Variants in KRAS observed in about 807,000 individuals in gnomAD.
KRAS encodes the protein KRas proto-oncogene, GTPase.
In KRAS, 1 loss-of-function variant was observed where a neutral mutation model predicts 21.0. The ratio of observed to expected loss-of-function variants is 0.05; its 90% CI spans 0.02 to 0.23. KRAS has a LOEUF of 0.23. Ranked by LOEUF, KRAS falls within the 10% of genes least tolerant of loss-of-function variation. The pLI is 1.00. For synonymous variants in KRAS, 67 were observed against 72.5 expected, an observed-to-expected ratio of 0.92 and a Z score of 0.39; for missense variants, 107 against 221.8, an observed-to-expected ratio of 0.48 and a Z score of 3.29.
In KRAS at chr12:25,207,010, G is replaced by C. The variant is rs1951145810; in HGVS notation, c.*2785C>G. 1 of 208,062 alleles carries C rather than the reference G, an allele frequency of 4.8e-6. No individual in the cohort carries two copies. Among genetic ancestry groups the C allele is most frequent in the South Asian group, 1.9e-4 (1 of 5,314 alleles). 12.9% of individuals were successfully genotyped at this position (208,062 alleles called of 1,614,324 possible). A position where few individuals can be genotyped will look rare whatever the true frequency, so the allele number is the denominator to read the frequency against. Reference sequence around the variant, plus strand: ...AAAGTAGCTTGATCGAAGAGTTTCAGTGGAATCGTAGCAAAACAATTATAG... The same window carrying C: ...AAAGTAGCTTGATCGAAGAGTTTCACTGGAATCGTAGCAAAACAATTATAG... On this transcript the variant is annotated 3_prime_UTR_variant, in exon 5 of 5. Coordinates refer to ENST00000311936, the MANE Select transcript of KRAS (RefSeq NM_004985.5).
chr12:25,212,703 C>G (rs1269709368), intron 4 of KRAS, among the ~76,000 whole-genome samples: 3 of 152,046 alleles, frequency 2.0e-5, no homozygotes, highest in African/African-American at 7.2e-5. Flanking sequence ...TTATCTTTTT[C>G]AGGACTAAGA....
chr12:25,237,567 C>T (rs1951560250), intron 2 of KRAS, among the ~76,000 whole-genome samples: 2 of 152,060 alleles, frequency 1.3e-5, no homozygotes, highest in Admixed American at 1.3e-4. Flanking sequence ...GACAGAAGTC[C>T]AGGCTAGAGA....
intron 4 of KRAS, among the ~76,000 whole-genome samples, chr12:25,220,845 C>T (rs193081646): frequency 7.4e-4 from 112 of 151,566 alleles, no homozygotes; most frequent in African/African-American, 2.5e-3. Flanking sequence ...GCCAACATGG[C>T]GAAACCCTGT....
intron 2 of KRAS, among the ~76,000 whole-genome samples, chr12:25,236,443 C>A (rs1266182513): frequency 6.6e-6 from 1 of 152,058 alleles, no homozygotes; most frequent in African/African-American, 2.4e-5. Context: ...TCTGATAAAC[C>A]CCAAATCTTC....
Position 25,209,700 on chromosome 12 carries a change from T to A in KRAS, c.*95A>T, listed in dbSNP as rs1475823212. The A allele has an allele frequency of 4.5e-5, 68 of 1,517,438 alleles. No homozygotes were observed. The highest frequency in any genetic ancestry group is 5.7e-5 in the Non-Finnish European group (65 of 1,132,848). The allele number at this position is 1,517,438 out of a possible 1,614,324, so 94.0% of individuals were successfully genotyped here. A position where few individuals can be genotyped will look rare whatever the true frequency, so the allele number is the denominator to read the frequency against. ...CAGTCTGCATGGAGCAGGAAAAAAA[T>A]TAGGTAATGCTAAAACAAATGCTAA... is the stretch of plus-strand genomic sequence containing the variant. On this transcript the variant is annotated 3_prime_UTR_variant, in exon 5 of 5. Coordinates refer to ENST00000311936, the MANE Select transcript of KRAS (RefSeq NM_004985.5).
intron 4 of KRAS, among the ~76,000 whole-genome samples, chr12:25,222,110 C>T (rs61925860): frequency 1.4e-3 from 208 of 149,592 alleles, no homozygotes; most frequent in Non-Finnish European, 2.5e-3. Flanking sequence ...GATCCCACCA[C>T]TGTACTCCAG....
intron 1 of KRAS, among the ~76,000 whole-genome samples, chr12:25,245,990 T>G (rs1210320362): frequency 6.6e-6 from 1 of 151,998 alleles, no homozygotes; most frequent in Non-Finnish European, 1.5e-5. Context: ...GATTGTGTCA[T>G]GGGGAAATAA....
Position 25,205,283 on chromosome 12 carries a change from G to T in KRAS, c.*4512C>A, listed in dbSNP as rs1182352175. The stretch of plus-strand genomic sequence containing the variant: ...ATTTTTATTACATTACAATAATTAG[G>T]AGTAGTACAGTTCATGACAAAAATA... On this transcript the variant is annotated 3_prime_UTR_variant, in exon 5 of 5. Coordinates refer to ENST00000311936, the MANE Select transcript of KRAS (RefSeq NM_004985.5). 5 of 214,170 alleles carry T rather than the reference G, an allele frequency of 2.3e-5. No individual in the cohort carries two copies. Among genetic ancestry groups the T allele is most frequent in the Non-Finnish European group, 4.7e-5 (5 of 106,054 alleles). 13.3% of individuals were successfully genotyped at this position (214,170 alleles called of 1,614,324 possible). A position where few individuals can be genotyped will look rare whatever the true frequency, so the allele number is the denominator to read the frequency against.
chr12:25,208,937 T>A lies in KRAS; in HGVS notation c.*858A>T. 1 of 288,654 alleles carries A rather than the reference T, an allele frequency of 3.5e-6. No individual in the cohort carries two copies. Among genetic ancestry groups the A allele is most frequent in the Non-Finnish European group, 6.4e-6 (1 of 156,060 alleles). 17.9% of individuals were successfully genotyped at this position (288,654 alleles called of 1,614,324 possible). ...AAAGTTATACTATGAAAGAGCAGTC[T>A]GACACAGGGAGACTACATTTAATTC... On this transcript the variant is annotated 3_prime_UTR_variant, in exon 5 of 5. Coordinates refer to ENST00000311936, the MANE Select transcript of KRAS (RefSeq NM_004985.5).
At position 25,215,534 on chromosome 12, in the gene KRAS, CA is replaced by C. The variant is rs752446944; in HGVS notation, c.451-5624del. On this transcript the variant is annotated intron_variant, in intron 4 of 4. Transcript: ENST00000311936. ...ATCTGTATTGTCGGATCTCTCTCAC[CA>C]ATGTATAAAAAGCATCCTCCACTCT... 8.1e-6 allele frequency: 13 copies of C among 1,611,582 alleles called. No homozygotes were observed. The highest frequency in any genetic ancestry group is 1.3e-5 in the African/African-American group (1 of 74,876).
intron 2 of KRAS, among the ~76,000 whole-genome samples, chr12:25,240,785 G>GA (rs906866083): frequency 1.3e-5 from 2 of 151,916 alleles, no homozygotes; most frequent in Admixed American, 6.5e-5. Flanking sequence ...ACCCAAGGTA[G>GA]AAAAAAACCA....
intron 4 of KRAS, among the ~76,000 whole-genome samples, chr12:25,211,904 C>T (rs180950354): frequency 3.9e-5 from 6 of 152,294 alleles, no homozygotes; most frequent in Non-Finnish European, 7.3e-5. Context: ...ACTGATACTA[C>T]ACAAACATAT....
chr12:25,221,082 T>A (rs1247428406), intron 4 of KRAS, among the ~76,000 whole-genome samples: 5 of 150,468 alleles, frequency 3.3e-5, no homozygotes, highest in Non-Finnish European at 7.4e-5. Context: ...TTCCTTTCCA[T>A]GAACTATGTT....
rs2141505766 is a variant in KRAS, at chr12:25,225,654, T to A, written c.410A>T (p.Tyr137Phe). Residue 137 changes from tyrosine to phenylalanine, a missense_variant, in exon 4 of 5, where the codon TAT (tyrosine) becomes TTT (phenylalanine). By Grantham distance (22) the Tyr-to-Phe change is conservative. This residue lies in a region of KRAS where 65 missense variants were observed against 82.3 expected (regional missense o/e 0.79). Coordinates refer to ENST00000311936, the MANE Select transcript of KRAS (RefSeq NM_004985.5). ...TGATGTTTCAATAAAAGGAATTCCA[T>A]AACTTCTTGCTAAGTCCTGAGCCTG... ...TKQAQDLARS[Y>F]GIPFIETSAK... is the part of the protein sequence containing the mutation. 1 of 1,613,192 alleles carries A rather than the reference T, an allele frequency of 6.2e-7. No homozygotes were observed. Among genetic ancestry groups the A allele is most frequent in the Non-Finnish European group, 8.5e-7 (1 of 1,179,438 alleles).
intron 4 of KRAS, chr12:25,211,332 T>TG (rs1951198557): frequency 6.6e-6 from 1 of 152,218 alleles, no homozygotes. Flanking sequence ...CCCAGCACTT[T>TG]GGGAGGCCAA....
chr12:25,243,578 T>G (rs968510009), intron 2 of KRAS, among the ~76,000 whole-genome samples: 7 of 152,206 alleles, frequency 4.6e-5, no homozygotes, highest in African/African-American at 1.7e-4. Flanking sequence ...TCATGCTGTA[T>G]ATACTCATAT....
intron 4 of KRAS, among the ~76,000 whole-genome samples, chr12:25,212,071 T>G (rs1951205399): frequency 6.6e-6 from 1 of 152,218 alleles, no homozygotes. Context: ...AATGATACAA[T>G]AAAAATTATT....
chr12:25,250,544 G>GAT (rs1951753756), intron 1 of KRAS, among the ~76,000 whole-genome samples: 2 of 152,028 alleles, frequency 1.3e-5, no homozygotes, highest in Non-Finnish European at 1.5e-5. Context: ...GCCCCGCACC[G>GAT]CCCATTCCTC....
intron 1 of KRAS, among the ~76,000 whole-genome samples, chr12:25,247,849 C>T (rs1323881789): frequency 2.6e-5 from 4 of 152,106 alleles, no homozygotes; most frequent in Admixed American, 2.6e-4. Flanking sequence ...GAAACAATAC[C>T]ACTTTTCTAA....
Sources: allele counts gnomAD v4.1 joint callset (sites outside exome capture counted in the v4.1 genomes callset), GRCh38; gene constraint gnomAD v4.1.1; regional missense constraint gnomAD v4.1.1; transcripts MANE v1.5; gene names NCBI Gene and HGNC (gene_info 2026-07-23, HGNC 2026-07-21).